ZNF827: variants seen among roughly 807,000 people sequenced by gnomAD.
ZNF827 encodes zinc finger protein 827.
Under a neutral mutation model 102.4 loss-of-function variants are expected in ZNF827, and 13 were observed. That is an observed-to-expected ratio of 0.13 (90% CI 0.08 to 0.20). ZNF827 has a LOEUF of 0.20. Among genes scored for constraint, ZNF827 ranks in the 10% least tolerant of loss-of-function variants. The pLI is 1.00. For synonymous variants in ZNF827, 523 were observed against 536.2 expected, an observed-to-expected ratio of 0.98 and a Z score of 0.34; for missense variants, 1,103 against 1,344.4, an observed-to-expected ratio of 0.82 and a Z score of 2.81.
intron 3 of ZNF827, among the ~76,000 whole-genome samples, chr4:145,891,551 G>A (rs1160130183): frequency 6.6e-6 from 1 of 152,156 alleles, no homozygotes; most frequent in Non-Finnish European, 1.5e-5. Flanking sequence ...CATGTTTAGT[G>A]TAGGTTTGAG....
At chr4:145,858,134 AGT>A (rs10553157) in intron 5 of ZNF827, among the ~76,000 whole-genome samples, 11,269 of 146,940 alleles carry the variant, frequency 0.077, 452 homozygotes, top group African/African-American at 0.11. Context: ...TGCATGTGTG[AGT>A]GTGTGTGTGT....
intron 5 of ZNF827, among the ~76,000 whole-genome samples, chr4:145,869,670 G>T (rs893564660): frequency 1.3e-5 from 2 of 152,030 alleles, no homozygotes; most frequent in Non-Finnish European, 2.9e-5. Flanking sequence ...CATTTAATAC[G>T]CTGAGATTAC....
intron 3 of ZNF827, among the ~76,000 whole-genome samples, chr4:145,891,142 G>A (rs1308169526): frequency 6.6e-6 from 1 of 152,178 alleles, no homozygotes; most frequent in Middle Eastern, 3.2e-3. Flanking sequence ...AAATATCAGT[G>A]AAGATATGAT....
intron 11 of ZNF827, among the ~76,000 whole-genome samples, chr4:145,766,126 A>G (rs949264144): frequency 6.6e-6 from 1 of 152,196 alleles, no homozygotes; most frequent in African/African-American, 2.4e-5. Flanking sequence ...CGATGAGGGA[A>G]TGGAGTCACA....
intron 8 of ZNF827, among the ~76,000 whole-genome samples, chr4:145,793,580 A>T (rs1228098765): frequency 6.6e-6 from 1 of 151,568 alleles, no homozygotes; most frequent in East Asian, 1.9e-4. Context: ...ATTAGATTGT[A>T]CCCACCAGAT....
intron 1 of ZNF827, among the ~76,000 whole-genome samples, chr4:145,924,297 C>T (rs1753273466): frequency 6.6e-6 from 1 of 152,206 alleles, no homozygotes; most frequent in Non-Finnish European, 1.5e-5. Flanking sequence ...AATACACAAA[C>T]AAGTTCAATA....
intron 1 of ZNF827, among the ~76,000 whole-genome samples, chr4:145,932,161 C>A (rs895180075): frequency 3.9e-5 from 6 of 152,202 alleles, no homozygotes; most frequent in Non-Finnish European, 7.3e-5. Context: ...GACTTCCCAA[C>A]TTCCAGAACT....
intron 1 of ZNF827, among the ~76,000 whole-genome samples, chr4:145,926,546 C>A (rs146247336): frequency 6.6e-6 from 1 of 152,230 alleles, no homozygotes; most frequent in African/African-American, 2.4e-5. Context: ...GCCAACTATG[C>A]TGAAATGTAC....
intron 6 of ZNF827, among the ~76,000 whole-genome samples, chr4:145,848,846 C>T (rs1434845974): frequency 6.6e-6 from 1 of 152,162 alleles, no homozygotes; most frequent in Non-Finnish European, 1.5e-5. Flanking sequence ...AGTCCTCATA[C>T]CTTCATCTTT....
intron 1 of ZNF827, among the ~76,000 whole-genome samples, chr4:145,938,020 T>C (rs1579618145): frequency 1.4e-5 from 1 of 73,100 alleles, no homozygotes. Flanking sequence ...GCATCCACAC[T>C]ACTCCCCTCC....
intron 2 of ZNF827, among the ~76,000 whole-genome samples, chr4:145,896,666 C>G (rs1240365788): frequency 2.0e-5 from 3 of 152,214 alleles, no homozygotes. Context: ...TGTGTTAGGA[C>G]AAGAGTGTAT....
intron 7 of ZNF827, among the ~76,000 whole-genome samples, chr4:145,834,511 C>G (rs1447766750): frequency 6.6e-6 from 1 of 152,008 alleles, no homozygotes; most frequent in Non-Finnish European, 1.5e-5. Context: ...CCTCCTCACA[C>G]CTGGTCCGGC....
intron 7 of ZNF827, among the ~76,000 whole-genome samples, chr4:145,842,279 C>T (rs576224753): frequency 1.3e-5 from 2 of 152,256 alleles, no homozygotes; most frequent in East Asian, 3.9e-4. Context: ...GAGGTATCAA[C>T]AAGGGGCAGA....
intron 5 of ZNF827, among the ~76,000 whole-genome samples, chr4:145,851,084 A>G (rs1746480127): frequency 6.6e-6 from 1 of 152,206 alleles, no homozygotes; most frequent in Non-Finnish European, 1.5e-5. Context: ...CAAACCAAGG[A>G]GTCCCTGCAG....
intron 1 of ZNF827, among the ~76,000 whole-genome samples, chr4:145,916,711 C>T (rs966115843): frequency 1.3e-5 from 2 of 152,194 alleles, no homozygotes; most frequent in African/African-American, 4.8e-5. Flanking sequence ...ATTTCTGTTT[C>T]CCTTTTAATT....
intron 2 of ZNF827, among the ~76,000 whole-genome samples, chr4:145,899,123 C>T (rs923544064): frequency 5.3e-5 from 8 of 152,134 alleles, no homozygotes; most frequent in Admixed American, 3.3e-4. Flanking sequence ...AATGCACCTA[C>T]GTATTTTGAA....
intron 2 of ZNF827, among the ~76,000 whole-genome samples, chr4:145,901,264 T>C (rs1301001167): frequency 5.3e-5 from 8 of 152,236 alleles, no homozygotes; most frequent in African/African-American, 2.4e-5. Context: ...TCTGGCAGGA[T>C]ATCCTTAAGA....
chr4:145,781,195 C>CAAAAAAAAAAAAAAA (rs10605153), intron 8 of ZNF827, among the ~76,000 whole-genome samples: 24 of 56,536 alleles, frequency 4.2e-4, no homozygotes, highest in East Asian at 1.4e-3. Flanking sequence ...GACACCATCT[C>CAAAAAAAAAAAAAAA]AAAAAAAAAA....
At chr4:145,841,570 C>T (rs1191532023) in intron 7 of ZNF827, among the ~76,000 whole-genome samples, 1 of 152,228 alleles carries the variant, frequency 6.6e-6, no homozygotes, top group African/African-American at 2.4e-5. Flanking sequence ...GCATTAACAA[C>T]ACTCAGTCCA....
Sources: gnomAD v4.1 joint callset for allele counts (sites outside exome capture counted in the v4.1 genomes callset) on GRCh38, gnomAD v4.1.1 for gene constraint, MANE v1.5 for transcripts, NCBI Gene and HGNC (gene_info 2026-07-23, HGNC 2026-07-21) for gene names.